Variants in PUS7L observed in about 807,000 individuals in gnomAD.
PUS7L encodes pseudouridylate synthase PUS7L.
A neutral mutation model predicts 51.1 loss-of-function variants in PUS7L; 49 were observed. That is an observed-to-expected ratio of 0.96 (90% CI 0.76 to 1.22). The LOEUF (loss-of-function observed/expected upper bound fraction) is 1.22, where lower values mean the gene tolerates loss of function less well. Among genes scored for constraint, PUS7L ranks in the 50% most tolerant of loss-of-function variants. The pLI, the probability that PUS7L is intolerant of heterozygous loss-of-function variation, is 0.00. For synonymous variants in PUS7L, 277 were observed against 276.2 expected (o/e 1.00, Z -0.03); for missense variants, 828 against 820.6 (o/e 1.01, Z -0.11).
intron 5 of PUS7L, 53 bp downstream of exon 5, chr12:43,742,404 T>C: frequency 8.0e-7 from 1 of 1,247,508 alleles, no homozygotes. Context: ...CTGGGTTATG[T>C]AGTAAGTATA....
At chr12:43,745,460 A>G (rs1316036065) in intron 4 of PUS7L, among the ~76,000 whole-genome samples, 1 of 152,162 alleles carries the variant, frequency 6.6e-6, no homozygotes, top group African/African-American at 2.4e-5. Context: ...TGATGGTTTT[A>G]TAAGGGGCTT....
chr12:43,751,531 CATT>C (rs1176049229), intron 2 of PUS7L, among the ~76,000 whole-genome samples: 1 of 152,158 alleles, frequency 6.6e-6, no homozygotes, highest in African/African-American at 2.4e-5. Flanking sequence ...ATGAACTCAT[CATT>C]TTTTATGGCT....
chr12:43,733,851 A>G (rs1425565496), intron 7 of PUS7L, among the ~76,000 whole-genome samples: 1 of 152,236 alleles, frequency 6.6e-6, no homozygotes, highest in Non-Finnish European at 1.5e-5. Context: ...CTGTATCTCA[A>G]TTAAATTACC....
chr12:43,737,834 T>C (rs1953959640), intron 6 of PUS7L, among the ~76,000 whole-genome samples: 2 of 152,106 alleles, frequency 1.3e-5, no homozygotes, highest in South Asian at 4.1e-4. Context: ...CACTTTTCCT[T>C]AGTGGTTTTC....
intron 5 of PUS7L, chr12:43,739,270 T>G (rs1359670588): frequency 6.6e-6 from 1 of 152,222 alleles, no homozygotes; most frequent in Non-Finnish European, 1.5e-5. Flanking sequence ...GCTCTGAAGA[T>G]GTAGAATGCC....
chr12:43,736,751 T>C (rs1944703539), intron 6 of PUS7L, 90 bp from the exon 7 acceptor site: 8 of 1,127,506 alleles, frequency 7.1e-6, no homozygotes, highest in Non-Finnish European at 1.0e-5. Context: ...ACTGAGGCAA[T>C]GAACATGGGT....
At chr12:43,758,602 C>A in intron 1 of PUS7L, 128 bp downstream of exon 1, 1 of 983,228 alleles carries the variant, frequency 1.0e-6, no homozygotes, top group Non-Finnish European at 1.2e-6. Flanking sequence ...CACTAGTCCA[C>A]GTCACCTTTC....
intron 2 of PUS7L, among the ~76,000 whole-genome samples, chr12:43,754,009 A>G (rs1046814294): frequency 2.0e-5 from 3 of 152,206 alleles, no homozygotes; most frequent in Non-Finnish European, 4.4e-5. Context: ...ATATGAAATC[A>G]AGATTTACCT....
chr12:43,750,927 A>T (rs1938411144), intron 2 of PUS7L, among the ~76,000 whole-genome samples: 1 of 152,342 alleles, frequency 6.6e-6, no homozygotes, highest in East Asian at 1.9e-4. Context: ...GTAGAGAAGA[A>T]GTTCCAGAAA....
rs949051973 is a variant in PUS7L at position 43,719,658 on chromosome 12, A to G, written c.*10718T>C. ...TGGTTCATTTAATGATTACAGGATT[A>G]TCATTATAGTATTCACATAACATAA... On this transcript the variant is annotated 3_prime_UTR_variant, in exon 9 of 9. Transcript: ENST00000344862. The G allele has an allele frequency of 2.0e-4, 31 of 152,356 alleles. No individual in the cohort carries two copies. Among genetic ancestry groups the G allele is most frequent in the African/African-American group, 7.2e-4 (30 of 41,602 alleles). 9.4% of individuals were successfully genotyped at this position (152,356 alleles called of 1,614,324 possible). A position where few individuals can be genotyped will look rare whatever the true frequency, so the allele number is the denominator to read the frequency against.
intron 4 of PUS7L, 120 bp downstream of exon 4, chr12:43,745,926 T>C: frequency 1.9e-6 from 1 of 535,892 alleles, no homozygotes; most frequent in East Asian, 3.4e-5. Flanking sequence ...AAATAATTAA[T>C]CACTTTTAAA....
rs1944402858 is a variant in PUS7L at position 43,721,998 on chromosome 12, T to C, written c.*8378A>G. ...ATGTGTATAAGGTATATATGAAACA[T>C]AAATGAATTTTGTTTAGACTTGGGT... On this transcript the variant is annotated 3_prime_UTR_variant, in exon 9 of 9. Coordinates refer to ENST00000344862, the MANE Select transcript of PUS7L (RefSeq NM_031292.5). 1 of 152,176 alleles carries C rather than the reference T, an allele frequency of 6.6e-6. No homozygotes were observed. Among genetic ancestry groups the C allele is most frequent in the African/African-American group, 2.4e-5 (1 of 41,444 alleles). 9.4% of individuals were successfully genotyped at this position (152,176 alleles called of 1,614,324 possible). A position where few individuals can be genotyped will look rare whatever the true frequency, so the allele number is the denominator to read the frequency against.
intron 3 of PUS7L, among the ~76,000 whole-genome samples, chr12:43,746,926 A>G (rs1351121159): frequency 6.6e-6 from 1 of 152,172 alleles, no homozygotes; most frequent in Non-Finnish European, 1.5e-5. Context: ...TCTCTTCCTT[A>G]GAGGGGAGCT....
rs1317556278 is a variant in PUS7L at position 43,754,778 on chromosome 12, T to C, written c.468A>G (p.Gly156=). Residue 156 remains glycine (G), a synonymous_variant, in exon 2 of 9, where the codon GGA becomes GGG. Coordinates refer to ENST00000344862, the MANE Select transcript of PUS7L (RefSeq NM_031292.5). ...TGCCTATTGAGAATTCAGGAGGTAGTCCAATTAGCTCTGTTTTAGAAAGCC... is the reference window on the plus strand; with the variant it reads ...TGCCTATTGAGAATTCAGGAGGTAGCCCAATTAGCTCTGTTTTAGAAAGCC... The part of the protein sequence containing the change: ...EKWLSKTELI[G]LPPEFSIGRI... The C allele has an allele frequency of 1.7e-5, 28 of 1,613,864 alleles. No homozygotes were observed. The highest frequency in any genetic ancestry group is 2.2e-5 in the Non-Finnish European group (26 of 1,179,906).
At position 43,737,477 on chromosome 12, in the gene PUS7L, C is replaced by T. The variant is rs536163886; in HGVS notation, c.1445-816G>A. Among the ~76,000 whole-genome samples the T allele has an allele frequency of 6.6e-5, 10 of 151,584 alleles. No homozygotes were observed. In the East Asian group the frequency reaches 1.9e-3, roughly 29 times the overall value. On this transcript the variant is annotated intron_variant, in intron 6 of 8. Transcript: ENST00000344862. The stretch of plus-strand genomic sequence containing the variant: ...TAAATAAATATTTGAAAACTGACAT[C>T]CTTTATTTCAATATAAGTGAAATTC...
chr12:43,758,289 G>C (rs1156694251), intron 1 of PUS7L: 2 of 984,540 alleles, frequency 2.0e-6, no homozygotes, highest in Non-Finnish European at 2.4e-6. Flanking sequence ...AACTGACCTG[G>C]AGGACAGCAA....
At position 43,754,884 on chromosome 12, in the gene PUS7L, T is replaced by A; in HGVS notation, c.362A>T (p.Lys121Ile). Residue 121 changes from lysine to isoleucine, a missense_variant, in exon 2 of 9, where the codon AAA becomes ATA. Physicochemically the swap from Lys to Ile is moderately radical, Grantham distance 102. Coordinates refer to ENST00000344862, the MANE Select transcript of PUS7L (RefSeq NM_031292.5). ...IVDGTSKCEE[K>I]ADVLSSFLDE... Reference sequence around the variant, plus strand: ...CAAAAAGGAGCTTAAAACATCAGCTTTTTCTTCACATTTGGAAGTTCCATC... The same window carrying A: ...CAAAAAGGAGCTTAAAACATCAGCTATTTCTTCACATTTGGAAGTTCCATC... 6.2e-7 allele frequency: 1 copy of A among 1,613,758 alleles called. No individual in the cohort carries two copies. The highest frequency in any genetic ancestry group is 8.5e-7 in the Non-Finnish European group (1 of 1,179,852).
intron 4 of PUS7L, among the ~76,000 whole-genome samples, chr12:43,743,727 C>A (rs1364061963): frequency 6.6e-6 from 1 of 151,706 alleles, no homozygotes; most frequent in Non-Finnish European, 1.5e-5. Context: ...CGTGCCACTG[C>A]ACTCCAGCCT....
intron 7 of PUS7L, among the ~76,000 whole-genome samples, chr12:43,734,861 A>G (rs902663916): frequency 6.6e-6 from 1 of 152,218 alleles, no homozygotes; most frequent in Non-Finnish European, 1.5e-5. Flanking sequence ...TACATACGAA[A>G]GTGTTACTCA....
Sources: allele counts gnomAD v4.1 joint callset (sites outside exome capture counted in the v4.1 genomes callset), GRCh38; gene constraint gnomAD v4.1.1; transcripts MANE v1.5; gene names NCBI Gene and HGNC (gene_info 2026-07-23, HGNC 2026-07-21).